ZNF148: variants seen among roughly 807,000 people sequenced by gnomAD.
The protein encoded by ZNF148 is zinc finger protein 148.
In ZNF148, 7 loss-of-function variants were observed where a neutral mutation model predicts 67.7. The observed-to-expected ratio is 0.10, with a 90% CI of 0.06 to 0.19. ZNF148 has a LOEUF of 0.19. ZNF148 is among the 10% of genes least tolerant of loss of function. ZNF148 has a pLI of 1.00. For synonymous variants in ZNF148, 333 were observed against 330.7 expected, an observed-to-expected ratio of 1.01 and a Z score of -0.08; for missense variants, 583 against 947.1, an observed-to-expected ratio of 0.62 and a Z score of 5.05.
intron 1 of ZNF148, among the ~76,000 whole-genome samples, chr3:125,354,688 G>T (rs1553715556): frequency 6.6e-6 from 1 of 152,318 alleles, no homozygotes; most frequent in African/African-American, 2.4e-5. Flanking sequence ...AATTCTGGTT[G>T]AGTTTGCATT....
At chr3:125,260,769 G>A (rs1458478499) in intron 7 of ZNF148, among the ~76,000 whole-genome samples, 1 of 152,168 alleles carries the variant, frequency 6.6e-6, no homozygotes, top group Non-Finnish European at 1.5e-5. Flanking sequence ...ATTAAAAGAA[G>A]TCTGAGGTCA....
chr3:125,302,265 C>G (rs1468659990), intron 4 of ZNF148, among the ~76,000 whole-genome samples: 2 of 148,758 alleles, frequency 1.3e-5, no homozygotes, highest in African/African-American at 2.5e-5. Flanking sequence ...GTGGTGCCAG[C>G]AACTTTGGAG....
chr3:125,341,751 T>C (rs1438543134), intron 1 of ZNF148, among the ~76,000 whole-genome samples: 2 of 152,050 alleles, frequency 1.3e-5, no homozygotes, highest in Admixed American at 1.3e-4. Context: ...TCCCAGCACT[T>C]TGGAAGGCCA....
intron 7 of ZNF148, among the ~76,000 whole-genome samples, chr3:125,245,138 T>A (rs2107535313): frequency 6.6e-6 from 1 of 152,280 alleles, no homozygotes; most frequent in South Asian, 2.1e-4. Context: ...GGATCTCAAA[T>A]ACATCATATC....
rs1394084719 is a variant in ZNF148 at position 125,240,184 on chromosome 3, A to G, written c.668-5855T>C. On this transcript the variant is annotated intron_variant, in intron 7 of 8. Coordinates refer to ENST00000360647, the MANE Select transcript of ZNF148 (RefSeq NM_021964.3). ...ATTTTTTTCCCTCAAGGAGCTCAAG[A>G]TTAATTAAAAAGAAATTAACTGGAG... 4.6e-5 allele frequency among the ~76,000 whole-genome samples: 7 copies of G among 152,182 alleles called. No homozygotes were observed. The South Asian group carries it at 1.0e-3, about 23-fold the overall frequency.
rs769108912 is a variant in ZNF148, at chr3:125,232,416, G to C, written c.2310C>G (p.Pro770=). Residue 770 remains proline (P), a synonymous_variant, in exon 9 of 9, where the codon CCC becomes CCG. Transcript: ENST00000360647. This position sits in a 1 kb window ranked among gnomAD's most constrained non-coding sequence, Gnocchi z 4.2. ...PGTSAEFSEF[P]LVNVNDNRAG... ...CTCTATTATCATTTACATTCACCAA[G>C]GGAAATTCTGAAAATTCAGCACTTG... 6.2e-7 allele frequency: 1 copy of C among 1,613,288 alleles called. No individual in the cohort carries two copies. Among genetic ancestry groups the C allele is most frequent in the African/African-American group, 1.3e-5 (1 of 74,780 alleles).
intron 5 of ZNF148, among the ~76,000 whole-genome samples, chr3:125,287,032 A>G (rs1938697857): frequency 6.6e-6 from 1 of 152,338 alleles, no homozygotes; most frequent in South Asian, 2.1e-4. Flanking sequence ...ATTATAAGCT[A>G]CCAATGGTTT....
chr3:125,252,785 A>C (rs1237228083), intron 7 of ZNF148, among the ~76,000 whole-genome samples: 29 of 130,304 alleles, frequency 2.2e-4, no homozygotes, highest in South Asian at 4.9e-4. Context: ...AAAAAAAAAA[A>C]CCCACAAAAA....
intron 1 of ZNF148, among the ~76,000 whole-genome samples, chr3:125,343,466 CGCTCTGT>C (rs1358710409): frequency 7.8e-4 from 12 of 15,426 alleles, no homozygotes; most frequent in African/African-American, 1.3e-3. Flanking sequence ...CACCAATCAG[CGCTCTGT>C]AAAAACTCAC....
chr3:125,372,759 G>A (rs1286603338), intron 1 of ZNF148, among the ~76,000 whole-genome samples: 1 of 152,042 alleles, frequency 6.6e-6, no homozygotes, highest in Non-Finnish European at 1.5e-5. Context: ...TTGAGGTCAG[G>A]AGTTCGAGAC....
At chr3:125,243,676 C>A (rs1936466180) in intron 7 of ZNF148, among the ~76,000 whole-genome samples, 1 of 152,070 alleles carries the variant, frequency 6.6e-6, no homozygotes, top group Admixed American at 6.5e-5. Flanking sequence ...GCATGCACCA[C>A]CATGCCCAGC....
intron 4 of ZNF148, among the ~76,000 whole-genome samples, chr3:125,290,726 A>C (rs1202024425): frequency 6.6e-6 from 1 of 152,146 alleles, no homozygotes; most frequent in African/African-American, 2.4e-5. Flanking sequence ...TTTCCTTTTC[A>C]AAGGTCTTAA....
intron 1 of ZNF148, among the ~76,000 whole-genome samples, chr3:125,354,510 T>C (rs1221843570): frequency 6.6e-6 from 1 of 152,262 alleles, no homozygotes; most frequent in African/African-American, 2.4e-5. Flanking sequence ...ATCCAATTTG[T>C]ATTTCCCCAA....
chr3:125,271,780 G>C (rs1172591557), intron 7 of ZNF148, among the ~76,000 whole-genome samples: 2 of 152,102 alleles, frequency 1.3e-5, no homozygotes, highest in Non-Finnish European at 1.5e-5. Context: ...TGAATTCTTA[G>C]GAATTGCTAG....
Position 125,252,419 on chromosome 3 carries a change from A to G in ZNF148, c.668-18090T>C, listed in dbSNP as rs778384505. Among the ~76,000 whole-genome samples, 121 of 152,206 alleles carry G rather than the reference A, an allele frequency of 7.9e-4. 1 individual carries two copies. Among genetic ancestry groups the G allele is most frequent in the East Asian group, 5.8e-4 (3 of 5,182 alleles). On this transcript the variant is annotated intron_variant, in intron 7 of 8. Coordinates refer to ENST00000360647, the MANE Select transcript of ZNF148 (RefSeq NM_021964.3). ...TAGATCTACAATTCATCCAGAAATG[A>G]TTTTTGTATATGGTGTAAGATAGAA... is the stretch of plus-strand genomic sequence containing the variant.
chr3:125,262,791 T>C (rs1607238), intron 7 of ZNF148, among the ~76,000 whole-genome samples: 118,319 of 152,220 alleles, frequency 0.78, 46,603 homozygotes, highest in African/African-American at 0.87. Flanking sequence ...CAGAAATTCA[T>C]GGAACACTGA....
chr3:125,339,068 G>C (rs969585191), intron 1 of ZNF148, among the ~76,000 whole-genome samples: 1 of 152,154 alleles, frequency 6.6e-6, no homozygotes, highest in African/African-American at 2.4e-5. Flanking sequence ...TAGTGATGGA[G>C]TCTCACTACA....
chr3:125,270,239 G>A (rs1197690411), intron 7 of ZNF148, among the ~76,000 whole-genome samples: 2 of 151,900 alleles, frequency 1.3e-5, no homozygotes, highest in African/African-American at 4.8e-5. Context: ...AGGCACAGTG[G>A]CTCAGGCCTA....
chr3:125,317,911 T>G (rs1940596936), intron 3 of ZNF148, among the ~76,000 whole-genome samples: 1 of 151,950 alleles, frequency 6.6e-6, no homozygotes, highest in African/African-American at 2.4e-5. Flanking sequence ...CTTCTTTATT[T>G]TAAAACAAAG....
Sources: gnomAD v4.1 joint callset for allele counts (sites outside exome capture counted in the v4.1 genomes callset) on GRCh38, gnomAD v4.1.1 for gene constraint, Gnocchi (gnomAD v3.1) non-coding constraint, MANE v1.5 for transcripts, NCBI Gene and HGNC (gene_info 2026-07-23, HGNC 2026-07-21) for gene names.